Variants in SDHA observed in about 807,000 individuals in gnomAD.
SDHA encodes the protein succinate dehydrogenase [ubiquinone] flavoprotein subunit, mitochondrial.
SDHA carries 48 observed loss-of-function variants against 78.4 expected under a neutral mutation model. The ratio of observed to expected loss-of-function variants is 0.61; its 90% CI spans 0.49 to 0.78. The LOEUF is 0.78. Ranked by LOEUF, SDHA falls within the 30% of genes least tolerant of loss-of-function variation. SDHA has a pLI of 0.00. For missense variants in SDHA, 680 were observed against 892.7 expected (o/e 0.76, Z 3.04); for synonymous variants, 326 against 353.9 (o/e 0.92, Z 0.88).
At chr5:221,193 G>T (rs765703812) in intron 1 of SDHA, among the ~76,000 whole-genome samples, 2 of 152,180 alleles carry the variant, frequency 1.3e-5, no homozygotes, top group African/African-American at 2.4e-5. Flanking sequence ...AGTTGTAAAA[G>T]AATCAATGAG....
intron 13 of SDHA, chr5:252,894 A>G (rs2126638117): frequency 6.5e-6 from 1 of 152,676 alleles, no homozygotes; most frequent in Non-Finnish European, 1.5e-5. Context: ...ATGCCAGTTT[A>G]TTAATGAGTA....
At chr5:219,205 A>G (rs1734568986) in intron 1 of SDHA, among the ~76,000 whole-genome samples, 1 of 151,874 alleles carries the variant, frequency 6.6e-6, no homozygotes, top group South Asian at 2.1e-4. Context: ...CTGTGCGCTG[A>G]GTGCCTCTAG....
the SDHA span, among the ~76,000 whole-genome samples, chr5:262,345 C>A: frequency 9.0e-6 from 1 of 111,030 alleles, no homozygotes; most frequent in Non-Finnish European, 2.0e-5. Context: ...TGAGCTCCGC[C>A]TCCCGGCAGA....
chr5:257,306 G>A (rs571765412), downstream of SDHA, among the ~76,000 whole-genome samples: 7 of 152,188 alleles, frequency 4.6e-5, no homozygotes, highest in South Asian at 2.1e-4. Context: ...GCAGTGGGCC[G>A]GTGAGCTACT....
chr5:256,191 G>A, intron 14 of SDHA, 143 bp from the exon 15 acceptor site: 1 of 731,770 alleles, frequency 1.4e-6, no homozygotes, highest in Non-Finnish European at 2.5e-6. Flanking sequence ...TTACATGATG[G>A]GAGCATTTTT....
chr5:266,819 C>CTCT, the SDHA span, among the ~76,000 whole-genome samples: 3 of 127,428 alleles, frequency 2.4e-5, no homozygotes, highest in African/African-American at 2.8e-5. Context: ...ACACGGTGGC[C>CTCT]GCTGTCTGTA....
chr5:220,282 A>G, intron 1 of SDHA: 1 of 453,586 alleles, frequency 2.2e-6, no homozygotes. Flanking sequence ...CAGTTTAATC[A>G]GAGGAAAAAG....
intron 1 of SDHA, among the ~76,000 whole-genome samples, chr5:221,060 G>C (rs1037989414): frequency 2.6e-5 from 4 of 151,990 alleles, no homozygotes; most frequent in African/African-American, 9.7e-5. Context: ...TGATCCGCCC[G>C]CCTCGGTCTC....
chr5:256,184 C>A, intron 14 of SDHA, 150 bp from the exon 15 acceptor site: 1 of 713,336 alleles, frequency 1.4e-6, no homozygotes, highest in Non-Finnish European at 2.6e-6. Context: ...TCCCACTTTA[C>A]ATGATGGGAG....
chr5:229,760 T>C (rs1031833844), intron 6 of SDHA, among the ~76,000 whole-genome samples: 4 of 149,946 alleles, frequency 2.7e-5, no homozygotes, highest in African/African-American at 1.0e-4. Context: ...TACAGCATGG[T>C]GGTTAGAGTT....
At chr5:255,190 T>C (rs1737110130) in intron 14 of SDHA, among the ~76,000 whole-genome samples, 1 of 122,540 alleles carries the variant, frequency 8.2e-6, no homozygotes, top group African/African-American at 4.2e-5. Context: ...GTGTGGCATT[T>C]CCGCTGGGCA....
At chr5:268,308 A>C in the SDHA span, among the ~76,000 whole-genome samples, 2 of 151,014 alleles carry the variant, frequency 1.3e-5, no homozygotes, top group Non-Finnish European at 3.0e-5. Context: ...TCAGCCTCCC[A>C]AGTAGCTGGG....
intron 7 of SDHA, among the ~76,000 whole-genome samples, chr5:231,571 A>AG (rs1336378903): frequency 6.6e-6 from 1 of 151,956 alleles, no homozygotes; most frequent in East Asian, 1.9e-4. Flanking sequence ...AAAAAAAAAA[A>AG]AAAAAAAGTA....
At chr5:258,769 C>T (rs1426176435), downstream of SDHA, among the ~76,000 whole-genome samples, 15 of 88,774 alleles carry the variant, frequency 1.7e-4, 4 homozygotes, top group African/African-American at 7.3e-4. Context: ...CTCCGCCCCC[C>T]GCCACAGCAT....
Position 236,740 on chromosome 5 carries a change from C to G in SDHA, c.1432+141C>G. The G allele has an allele frequency of 1.1e-5, 9 of 785,458 alleles. No individual in the cohort carries two copies. In the Middle Eastern group the frequency reaches 1.0e-3, roughly 90 times the overall value. 48.7% of individuals were successfully genotyped at this position (785,458 alleles called of 1,614,324 possible). ...GCAGCCTCAACCTCCCGGGCTCAAG[C>G]AGTCTTCAACACCTCAACCTTCAGA... On this transcript the variant is annotated intron_variant, in intron 10 of 14. Transcript: ENST00000264932.
At chr5:233,337 G>A in intron 7 of SDHA, 140 bp from the exon 8 acceptor site, 1 of 836,856 alleles carries the variant, frequency 1.2e-6, no homozygotes, top group Non-Finnish European at 2.0e-6. Flanking sequence ...TATCTTAACT[G>A]TCTTGCTGTG....
chr5:246,643 T>C (rs1396216251), intron 11 of SDHA, among the ~76,000 whole-genome samples: 1 of 152,264 alleles, frequency 6.6e-6, no homozygotes. Flanking sequence ...TTTTGTAGAA[T>C]GGCTTTTTCT....
intron 11 of SDHA, among the ~76,000 whole-genome samples, chr5:248,586 A>G (rs1736617797): frequency 6.6e-6 from 1 of 152,194 alleles, no homozygotes; most frequent in Non-Finnish European, 1.5e-5. Context: ...AGTATTTACC[A>G]TGATAAATCT....
chr5:229,967 A>G (rs1051897277), intron 6 of SDHA, among the ~76,000 whole-genome samples: 33 of 152,174 alleles, frequency 2.2e-4, no homozygotes, highest in African/African-American at 8.0e-4. Context: ...TATCGTTAAT[A>G]TTATACAGCA....
Sources: allele counts gnomAD v4.1 joint callset (sites outside exome capture counted in the v4.1 genomes callset), GRCh38; gene constraint gnomAD v4.1.1; transcripts MANE v1.5; gene names NCBI Gene and HGNC (gene_info 2026-07-23, HGNC 2026-07-21).